OR9Q1: variants seen among roughly 807,000 people sequenced by gnomAD.
The protein encoded by OR9Q1 is olfactory receptor family 9 subfamily Q member 1, also known as olfactory receptor 9Q1.
For missense variants in OR9Q1, 374 were observed against 378.8 expected (o/e 0.99, Z 0.11); for synonymous variants, 153 against 148.6 (o/e 1.03, Z -0.22).
intron 2 of OR9Q1, among the ~76,000 whole-genome samples, chr11:58,106,946 T>C (rs1725473310): frequency 6.6e-6 from 1 of 152,194 alleles, no homozygotes; most frequent in Non-Finnish European, 1.5e-5. Context: ...TTTATCAAGA[T>C]TGCCTTAGCT....
At chr11:58,030,765 T>C (rs1218716291) in intron 1 of OR9Q1, among the ~76,000 whole-genome samples, 1 of 152,228 alleles carries the variant, frequency 6.6e-6, no homozygotes, top group Non-Finnish European at 1.5e-5. Context: ...CATTTTGTAC[T>C]AATATTATTT....
At chr11:58,133,855 A>T (rs886922009) in intron 2 of OR9Q1, among the ~76,000 whole-genome samples, 6 of 152,180 alleles carry the variant, frequency 3.9e-5, no homozygotes, top group Admixed American at 3.9e-4. Flanking sequence ...TTTGTGGATG[A>T]GTAATTTCCC....
At position 58,119,048 on chromosome 11, in the gene OR9Q1, T is replaced by C. The variant is rs140629895; in HGVS notation, c.-14-60383T>C. 8.7e-6 allele frequency: 14 copies of C among 1,613,782 alleles called. No individual in the cohort carries two copies. The African/African-American group carries it at 1.6e-4, about 18-fold the overall frequency. ...CAGAGCCTGGGATTCATGGCCACGGTATAGAGCAGTGGGTTGCGAATGGCA... is the reference window on the plus strand; with the variant it reads ...CAGAGCCTGGGATTCATGGCCACGGCATAGAGCAGTGGGTTGCGAATGGCA... On this transcript the variant is annotated intron_variant, in intron 2 of 2. Coordinates refer to ENST00000335397, the MANE Select transcript of OR9Q1 (RefSeq NM_001005212.4).
intron 1 of OR9Q1, among the ~76,000 whole-genome samples, chr11:58,038,911 T>A (rs1424490503): frequency 6.6e-6 from 1 of 152,208 alleles, no homozygotes; most frequent in Non-Finnish European, 1.5e-5. Flanking sequence ...GGTGTGTCTG[T>A]CAAAATGTTG....
At chr11:58,119,516 C>G (rs1854004114) in intron 2 of OR9Q1, 1 of 1,054,712 alleles carries the variant, frequency 9.5e-7, no homozygotes, top group Admixed American at 2.4e-5. Context: ...AGGACAGAAT[C>G]TTTCCCTCTA....
At chr11:58,104,888 C>G (rs759272503) in intron 2 of OR9Q1, among the ~76,000 whole-genome samples, 15 of 152,130 alleles carry the variant, frequency 9.9e-5, no homozygotes, top group Non-Finnish European at 1.3e-4. Context: ...GTCAATTTGC[C>G]TGAGTCAAGC....
chr11:58,125,244 C>CT (rs1854079656), intron 2 of OR9Q1: 2 of 122,016 alleles, frequency 1.6e-5, no homozygotes. Flanking sequence ...CCACCGCCCC[C>CT]CCCCCAAAAA....
intron 2 of OR9Q1, among the ~76,000 whole-genome samples, chr11:58,076,485 T>C (rs1853540043): frequency 6.6e-6 from 1 of 152,190 alleles, no homozygotes; most frequent in Non-Finnish European, 1.5e-5. Context: ...TGGCCACATC[T>C]CTCACAACAA....
At chr11:58,052,622 A>AG (rs1157351620) in intron 1 of OR9Q1, among the ~76,000 whole-genome samples, 1 of 66,650 alleles carries the variant, frequency 1.5e-5, no homozygotes, top group Non-Finnish European at 3.2e-5. Context: ...AAAAAAGGAA[A>AG]AAAAAAAAAA....
intron 2 of OR9Q1, among the ~76,000 whole-genome samples, chr11:58,068,953 C>T (rs1004972760): frequency 8.5e-5 from 13 of 152,086 alleles, no homozygotes; most frequent in East Asian, 1.9e-4. Context: ...ATGCCAGCCC[C>T]GAGAACATGT....
In OR9Q1 at chr11:58,179,612, C is replaced by T. The variant is rs141876179; in HGVS notation, c.168C>T (p.His56=). ...IILILMDHQL[H]APMYFLLSHL... is the part of the protein sequence containing the mutation. Reference sequence around the variant, plus strand: ...TGATCCTCATGGATCACCAGCTCCACGCTCCAATGTATTTCCTTCTGAGTC... The same window carrying T: ...TGATCCTCATGGATCACCAGCTCCATGCTCCAATGTATTTCCTTCTGAGTC... Residue 56 remains histidine, a synonymous_variant, in exon 3 of 3, where the codon CAC becomes CAT. Transcript: ENST00000335397. The T allele has an allele frequency of 2.9e-5, 47 of 1,613,306 alleles. No homozygotes were observed. The highest frequency in any genetic ancestry group is 1.7e-4 in the Middle Eastern group (1 of 6,058).
intron 2 of OR9Q1, among the ~76,000 whole-genome samples, chr11:58,082,655 G>A (rs1853598918): frequency 7.2e-6 from 1 of 138,468 alleles, no homozygotes; most frequent in Non-Finnish European, 1.5e-5. Flanking sequence ...TAAATGACGA[G>A]TTAATGGGTG....
chr11:58,138,273 G>C (rs1854208010), intron 2 of OR9Q1, among the ~76,000 whole-genome samples: 1 of 152,190 alleles, frequency 6.6e-6, no homozygotes, highest in South Asian at 2.1e-4. Flanking sequence ...GCTGCCTGAG[G>C]CTGGGCAGGA....
At chr11:58,092,077 A>G (rs1334826411) in intron 2 of OR9Q1, among the ~76,000 whole-genome samples, 2 of 152,050 alleles carry the variant, frequency 1.3e-5, no homozygotes, top group Non-Finnish European at 2.9e-5. Context: ...CAGCACGCCA[A>G]TGGGTCTTGC....
chr11:58,123,374 G>T (rs1457818394), intron 2 of OR9Q1, among the ~76,000 whole-genome samples: 1 of 152,122 alleles, frequency 6.6e-6, no homozygotes, highest in Non-Finnish European at 1.5e-5. Context: ...TGAAATTGTT[G>T]TAGGTCATAT....
chr11:58,162,885 A>G (rs1378429477), intron 2 of OR9Q1, among the ~76,000 whole-genome samples: 2 of 152,166 alleles, frequency 1.3e-5, no homozygotes, highest in Admixed American at 1.3e-4. Flanking sequence ...TGGAAGGGAC[A>G]TTGTTCTGAA....
intron 2 of OR9Q1, among the ~76,000 whole-genome samples, chr11:58,065,249 A>C (rs1031458997): frequency 6.6e-6 from 1 of 152,222 alleles, no homozygotes; most frequent in African/African-American, 2.4e-5. Context: ...CAGGTGACAC[A>C]GACACATAGA....
intron 2 of OR9Q1, among the ~76,000 whole-genome samples, chr11:58,178,727 C>G (rs181729867): frequency 6.6e-6 from 1 of 151,582 alleles, no homozygotes; most frequent in African/African-American, 2.4e-5. Context: ...AATAGAGGTG[C>G]GAGAATGTGC....
intron 1 of OR9Q1, among the ~76,000 whole-genome samples, chr11:58,048,735 T>C (rs1444383636): frequency 1.4e-5 from 2 of 138,506 alleles, no homozygotes; most frequent in South Asian, 2.4e-4. Context: ...AAGAATCAAA[T>C]AGACACAATA....
Sources: allele counts gnomAD v4.1 joint callset (sites outside exome capture counted in the v4.1 genomes callset), GRCh38; gene constraint gnomAD v4.1.1; transcripts MANE v1.5; gene names NCBI Gene and HGNC (gene_info 2026-07-23, HGNC 2026-07-21).